MTR: variants seen among roughly 807,000 people sequenced by gnomAD.
MTR encodes 5-methyltetrahydrofolate-homocysteine methyltransferase, also known as methionine synthase.
MTR carries 84 observed loss-of-function variants against 154.8 expected under a neutral mutation model. That is an observed-to-expected ratio of 0.54 (90% confidence interval 0.45 to 0.65). MTR has a LOEUF of 0.65. Among genes scored for constraint, MTR ranks in the 30% least tolerant of loss-of-function variants. MTR has a pLI of 0.00. For synonymous variants in MTR, 554 were observed against 553.9 expected, an observed-to-expected ratio of 1.00 and a Z score of 0.00; for missense variants, 1,275 against 1,570.2, an observed-to-expected ratio of 0.81 and a Z score of 3.18.
At chr1:236,809,244 T>C (rs1409725096) in intron 4 of MTR, among the ~76,000 whole-genome samples, 1 of 152,252 alleles carries the variant, frequency 6.6e-6, no homozygotes, top group Non-Finnish European at 1.5e-5. Context: ...CTTTATACTA[T>C]TGATGTCCTT....
Position 236,852,631 on chromosome 1 carries a change from A to G in MTR, c.1806A>G (p.Ala602=), listed in dbSNP as rs1331596133. The change falls in exon 17 of 33, where the codon GCA becomes GCG. Residue 602 remains alanine, a synonymous_variant. Coordinates refer to ENST00000366577, the MANE Select transcript of MTR (RefSeq NM_000254.3). ...EAMHGVFLYH[A]IKSGMDMGIV... ...TGCATGGGGTTTTCCTTTACCATGC[A>G]ATCAAGGTATGGTAGAAGAACTCTT... is the stretch of plus-strand genomic sequence containing the variant. 6.2e-7 allele frequency: 1 copy of G among 1,612,098 alleles called. No homozygotes were observed. The highest frequency in any genetic ancestry group is 1.1e-5 in the South Asian group (1 of 91,032).
chr1:236,839,449 TAAAAA>T (rs1374024700), intron 15 of MTR, among the ~76,000 whole-genome samples: 1 of 151,936 alleles, frequency 6.6e-6, no homozygotes. Context: ...ATTAAAGAAA[TAAAAA>T]GTAAAGAAAT....
chr1:236,855,952 C>T (rs1428615835), intron 18 of MTR, among the ~76,000 whole-genome samples: 1 of 152,182 alleles, frequency 6.6e-6, no homozygotes, highest in Non-Finnish European at 1.5e-5. Context: ...GAAATAACTG[C>T]TTTTAACTGT....
chr1:236,825,507 A>G, intron 10 of MTR, 108 bp downstream of exon 10: 1 of 1,136,768 alleles, frequency 8.8e-7, no homozygotes. Flanking sequence ...CAATGTACAT[A>G]TAACAAAGAA....
chr1:236,841,838 C>T (rs1663254654), intron 15 of MTR, among the ~76,000 whole-genome samples: 2 of 152,002 alleles, frequency 1.3e-5, no homozygotes, highest in South Asian at 4.2e-4. Context: ...AAGTACTGCT[C>T]CATTGTCTTC....
chr1:236,803,732 C>T (rs1235890341), intron 2 of MTR, 90 bp downstream of exon 2: 36 of 1,289,146 alleles, frequency 2.8e-5, no homozygotes, highest in Admixed American at 7.3e-5. Context: ...CCGAGTGCTC[C>T]GGAGAATAAA....
In MTR at chr1:236,883,923, G is replaced by A. The variant is rs79771776; in HGVS notation, c.2677-1198G>A. 8.9e-3 allele frequency among the ~76,000 whole-genome samples: 1,350 copies of A among 152,280 alleles called. 131 individuals are homozygous for A. The East Asian group carries it at 0.2, about 23-fold the overall frequency. ...TTTTTGTGTATTAGATAATCCTGCT[G>A]GAGAATGCAGGGATGGGGCAGTGCT... is the stretch of plus-strand genomic sequence containing the variant. On this transcript the variant is annotated intron_variant, in intron 25 of 32. Transcript: ENST00000366577.
chr1:236,827,170 G>C (rs563989980), intron 11 of MTR, among the ~76,000 whole-genome samples: 10 of 152,310 alleles, frequency 6.6e-5, no homozygotes, highest in African/African-American at 2.4e-4. Context: ...AAGCAAGACC[G>C]TGTCAAGACA....
At chr1:236,833,714 A>T (rs535245867) in intron 13 of MTR, among the ~76,000 whole-genome samples, 1 of 152,336 alleles carries the variant, frequency 6.6e-6, no homozygotes, top group African/African-American at 2.4e-5. Context: ...TTCCAGTCCT[A>T]TGTTCTTGCC....
Position 236,900,409 on chromosome 1 carries a change from T to TAA in MTR, c.*2773_*2774dup, listed in dbSNP as rs34686098. ...TACGTATACAATAAAACTATGCTAT[T>TAA]AAAAAAAAAGAAGGTAACTGATAAA... On this transcript the variant is annotated 3_prime_UTR_variant, in exon 33 of 33. Transcript: ENST00000366577. 9,238 of 137,648 alleles carry TAA rather than the reference T, an allele frequency of 0.067. 810 individuals carry two copies. Among genetic ancestry groups the TAA allele is most frequent in the East Asian group, 0.22 (1,069 of 4,972 alleles). 8.5% of individuals were successfully genotyped at this position (137,648 alleles called of 1,614,324 possible).
At position 236,831,970 on chromosome 1, in the gene MTR, A is replaced by G. The variant is rs141861479; in HGVS notation, c.1080A>G (p.Leu360=). 9.6e-4 allele frequency: 1,547 copies of G among 1,613,446 alleles called. 4 individuals are homozygous for G. Among genetic ancestry groups the G allele is most frequent in the Non-Finnish European group, 1.3e-3 (1,496 of 1,179,334 alleles). ...CAAAATGCTTCTCCTTTTAAGGTCT[A>G]GAGCCCTTCAGGATTGGACCGTACA... ...AFEGHMLLSG[L]EPFRIGPYTN... The change falls in exon 13 of 33, where the codon CTA becomes CTG. Residue 360 remains leucine, a synonymous_variant. Transcript: ENST00000366577.
At chr1:236,865,123 GA>G (rs1213431532) in intron 22 of MTR, among the ~76,000 whole-genome samples, 2 of 152,218 alleles carry the variant, frequency 1.3e-5, no homozygotes, top group African/African-American at 4.8e-5. Context: ...GGTGCTACTG[GA>G]ACTGAATGTC....
chr1:236,853,134 ATG>A, intron 18 of MTR, 46 bp downstream of exon 18: 1 of 1,596,290 alleles, frequency 6.3e-7, no homozygotes, highest in Non-Finnish European at 8.6e-7. Context: ...CTATCTTTGA[ATG>A]TATTACTCAC....
chr1:236,809,616 G>C (rs1191476335), intron 4 of MTR, among the ~76,000 whole-genome samples: 1 of 152,216 alleles, frequency 6.6e-6, no homozygotes, highest in Non-Finnish European at 1.5e-5. Context: ...AGCTAAAGCA[G>C]GGAGAGAGAA....
At chr1:236,803,052 T>C (rs1660780992) in intron 1 of MTR, among the ~76,000 whole-genome samples, 1 of 152,174 alleles carries the variant, frequency 6.6e-6, no homozygotes. Context: ...TTATTGATGG[T>C]TTTCAATTAT....
intron 8 of MTR, among the ~76,000 whole-genome samples, chr1:236,823,897 C>G (rs1486102986): frequency 7.0e-6 from 1 of 143,508 alleles, no homozygotes; most frequent in African/African-American, 2.6e-5. Context: ...GGAGTCCACC[C>G]ACAGGCAGCG....
intron 19 of MTR, 34 bp from the exon 20 acceptor site, chr1:236,861,091 C>CTTTTTTTTTTTTT: frequency 2.1e-6 from 3 of 1,415,838 alleles, no homozygotes; most frequent in Non-Finnish European, 2.8e-6. Context: ...TTCTTTCTTT[C>CTTTTTTTTTTTTT]TTTTTCTTTT....
chr1:236,832,200 A>G, intron 13 of MTR, 122 bp downstream of exon 13: 5 of 849,010 alleles, frequency 5.9e-6, no homozygotes, highest in Non-Finnish European at 9.8e-6. Context: ...GTGTGAGAAG[A>G]TGGTAATGTG....
In MTR at chr1:236,853,161, C is replaced by T; in HGVS notation, c.1953+73C>T. The T allele has an allele frequency of 2.7e-6, 4 of 1,470,078 alleles. No homozygotes were observed. In the Middle Eastern group the frequency reaches 5.3e-4, roughly 193 times the overall value. 91.1% of individuals were successfully genotyped at this position (1,470,078 alleles called of 1,614,324 possible). A position where few individuals can be genotyped will look rare whatever the true frequency, so the allele number is the denominator to read the frequency against. On this transcript the variant is annotated intron_variant, in intron 18 of 32. Transcript: ENST00000366577. ...GTATTACTCACCTACAGTTAGTAGA[C>T]CTTCATGGTGGAATAGAAGCAAATA...
Sources: allele counts gnomAD v4.1 joint callset (sites outside exome capture counted in the v4.1 genomes callset), GRCh38; gene constraint gnomAD v4.1.1; transcripts MANE v1.5; gene names NCBI Gene and HGNC (gene_info 2026-07-23, HGNC 2026-07-21).